Variants in VAV3 observed in about 807,000 individuals in gnomAD.
VAV3 encodes the protein guanine nucleotide exchange factor VAV3.
In VAV3, 94 loss-of-function variants were observed where a neutral mutation model predicts 131.2. That is an observed-to-expected ratio of 0.72 (90% CI 0.61 to 0.85). The LOEUF (loss-of-function observed/expected upper bound fraction) is 0.85, where lower values mean the gene tolerates loss of function less well. Ranked by LOEUF, VAV3 falls within the 40% of genes least tolerant of loss-of-function variation. The pLI is 0.00. For synonymous variants in VAV3, 349 were observed against 342.0 expected (o/e 1.02, Z -0.22); for missense variants, 939 against 1,002.7 (o/e 0.94, Z 0.86).
chr1:107,841,999 T>C (rs1461128351), intron 2 of VAV3, among the ~76,000 whole-genome samples: 2 of 152,208 alleles, frequency 1.3e-5, no homozygotes, highest in African/African-American at 4.8e-5. Context: ...ATATTTCTAT[T>C]AGACAGCATT....
At chr1:107,720,203 G>A (rs1165059179) in intron 15 of VAV3, among the ~76,000 whole-genome samples, 2 of 151,698 alleles carry the variant, frequency 1.3e-5, no homozygotes, top group African/African-American at 4.8e-5. Context: ...AAAACTTAAA[G>A]TATAATAAAA....
intron 2 of VAV3, among the ~76,000 whole-genome samples, chr1:107,858,609 G>A (rs1012171703): frequency 1.3e-5 from 2 of 152,158 alleles, no homozygotes; most frequent in Non-Finnish European, 2.9e-5. Context: ...CTGTGCAAGC[G>A]AGGGAACTAG....
At chr1:107,755,006 T>A (rs1007791898) in intron 12 of VAV3, among the ~76,000 whole-genome samples, 5 of 152,064 alleles carry the variant, frequency 3.3e-5, no homozygotes, top group African/African-American at 4.8e-5. Flanking sequence ...AACTGTCTCC[T>A]CAATCTTGAG....
chr1:107,763,347 C>G (rs1289057903), intron 9 of VAV3, among the ~76,000 whole-genome samples: 4 of 152,184 alleles, frequency 2.6e-5, no homozygotes, highest in Admixed American at 2.6e-4. Flanking sequence ...GGTCATTGGG[C>G]AAAACTTTGA....
intron 2 of VAV3, among the ~76,000 whole-genome samples, chr1:107,841,292 G>T (rs200571938): frequency 6.6e-6 from 1 of 152,038 alleles, no homozygotes; most frequent in Admixed American, 6.6e-5. Context: ...AGGGGAAAGG[G>T]GGGGGTAGAA....
intron 19 of VAV3, among the ~76,000 whole-genome samples, chr1:107,645,317 ATG>A (rs1039806706): frequency 4.4e-5 from 2 of 45,490 alleles, no homozygotes; most frequent in African/African-American, 1.3e-4. Flanking sequence ...ATATAATGGA[ATG>A]TATTTTTTTT....
chr1:107,740,244 G>A (rs7553163), intron 15 of VAV3, among the ~76,000 whole-genome samples: 21,515 of 150,828 alleles, frequency 0.14, 1,707 homozygotes, highest in South Asian at 0.26. Context: ...CTGAGATCGC[G>A]CCACTGTACT....
At chr1:107,952,769 T>C (rs1674620004) in intron 1 of VAV3, among the ~76,000 whole-genome samples, 1 of 152,038 alleles carries the variant, frequency 6.6e-6, no homozygotes. Context: ...TTGAGTTTCA[T>C]TCACATTTGA....
rs2101350682 is a variant in VAV3, at chr1:107,952,625, T to C, written c.204+12041A>G. The stretch of plus-strand genomic sequence containing the variant: ...AATTAACTATGTATCCAGAAAAGCA[T>C]TACCCACCTACCAAACTTTAGCCAT... On this transcript the variant is annotated intron_variant, in intron 1 of 26. Coordinates refer to ENST00000370056, the MANE Select transcript of VAV3 (RefSeq NM_006113.5). Among the ~76,000 whole-genome samples the C allele has an allele frequency of 2.0e-5, 3 of 151,816 alleles. 1 individual carries two copies. In the South Asian group the frequency reaches 6.2e-4, roughly 32 times the overall value.
chr1:107,944,892 G>A (rs938283635), intron 1 of VAV3, among the ~76,000 whole-genome samples: 8 of 152,246 alleles, frequency 5.3e-5, no homozygotes, highest in South Asian at 2.1e-4. Flanking sequence ...AGGAATGAGC[G>A]ACTGTGCCCA....
At chr1:107,597,671 A>G (rs893831258) in intron 24 of VAV3, among the ~76,000 whole-genome samples, 1 of 152,238 alleles carries the variant, frequency 6.6e-6, no homozygotes, top group African/African-American at 2.4e-5. Flanking sequence ...GGAAACAGAC[A>G]TAAAGGTGAT....
chr1:107,827,663 T>C (rs999850187), intron 2 of VAV3, among the ~76,000 whole-genome samples: 3 of 152,198 alleles, frequency 2.0e-5, no homozygotes, highest in South Asian at 2.1e-4. Flanking sequence ...ACAAATAGCA[T>C]TGGCAGATGA....
intron 18 of VAV3, among the ~76,000 whole-genome samples, chr1:107,687,466 T>C (rs905451774): frequency 6.6e-6 from 1 of 152,192 alleles, no homozygotes; most frequent in Non-Finnish European, 1.5e-5. Context: ...TTTGAAATTT[T>C]CAGATTACTG....
intron 20 of VAV3, among the ~76,000 whole-genome samples, chr1:107,622,117 G>A (rs950096003): frequency 1.3e-5 from 2 of 151,996 alleles, no homozygotes; most frequent in African/African-American, 4.8e-5. Context: ...TTTTTTTCCT[G>A]TAGAAAATGT....
At chr1:107,637,284 G>A (rs559846852) in intron 20 of VAV3, among the ~76,000 whole-genome samples, 1 of 152,102 alleles carries the variant, frequency 6.6e-6, no homozygotes, top group African/African-American at 2.4e-5. Flanking sequence ...AGGAGAAGAA[G>A]CAAGTAACCT....
At chr1:107,768,621 A>C in intron 6 of VAV3, 112 bp from the exon 7 acceptor site, 1 of 753,430 alleles carries the variant, frequency 1.3e-6, no homozygotes, top group African/African-American at 1.8e-5. Flanking sequence ...GTTGATCAGC[A>C]TTATAAACAC....
chr1:107,734,509 G>T (rs910453961), intron 15 of VAV3, among the ~76,000 whole-genome samples: 1 of 152,150 alleles, frequency 6.6e-6, no homozygotes, highest in Non-Finnish European at 1.5e-5. Context: ...AAGGGATGGA[G>T]GAAGATCTAC....
At chr1:107,579,554 C>T (rs968720661) in intron 25 of VAV3, among the ~76,000 whole-genome samples, 6 of 152,292 alleles carry the variant, frequency 3.9e-5, no homozygotes, top group East Asian at 3.9e-4. Flanking sequence ...TGAAGTTAAT[C>T]GTTCAGTAAT....
intron 21 of VAV3, among the ~76,000 whole-genome samples, chr1:107,615,025 AG>A (rs1653040315): frequency 6.6e-6 from 1 of 152,192 alleles, no homozygotes; most frequent in Non-Finnish European, 1.5e-5. Flanking sequence ...AAAACTAGAT[AG>A]AGAATCATTT....
Sources: allele counts gnomAD v4.1 joint callset (sites outside exome capture counted in the v4.1 genomes callset), GRCh38; gene constraint gnomAD v4.1.1; transcripts MANE v1.5; gene names NCBI Gene and HGNC (gene_info 2026-07-23, HGNC 2026-07-21).